Variants in HMCN1 observed in about 807,000 individuals in gnomAD.
HMCN1 encodes hemicentin-1.
In HMCN1, 321 loss-of-function variants were observed where a neutral mutation model predicts 625.9. That is an observed-to-expected ratio of 0.51 (90% confidence interval 0.47 to 0.56). The LOEUF (loss-of-function observed/expected upper bound fraction) is 0.56. Ranked by LOEUF, HMCN1 falls within the 20% of genes least tolerant of loss-of-function variation. The probability of loss-of-function intolerance (pLI) is 0.00; values close to 1 mark genes in which losing one functional copy is unlikely to be tolerated. For synonymous variants in HMCN1, 2,425 were observed against 2,417.6 expected, an observed-to-expected ratio of 1.00 and a Z score of -0.09; for missense variants, 6,588 against 6,887.3, an observed-to-expected ratio of 0.96 and a Z score of 1.54.
intron 13 of HMCN1, among the ~76,000 whole-genome samples, chr1:185,965,174 C>G (rs568230253): frequency 6.6e-6 from 1 of 151,942 alleles, no homozygotes; most frequent in African/African-American, 2.4e-5. Context: ...GTGAAGCAAA[C>G]GGAGTGAAGA....
rs1335779647 is a variant in HMCN1 at position 185,994,849 on chromosome 1, C to T, written c.3540C>T (p.Leu1180=). 1 of 1,613,520 alleles carries T rather than the reference C, an allele frequency of 6.2e-7. No homozygotes were observed. Among genetic ancestry groups the T allele is most frequent in the African/African-American group, 1.3e-5 (1 of 74,900 alleles). Residue 1180 remains leucine, a synonymous_variant, in exon 24 of 107, where the codon CTC becomes CTT. Coordinates refer to ENST00000271588, the MANE Select transcript of HMCN1 (RefSeq NM_031935.3). ...AGATACAGCGTGGACCTAAACATCT[C>T]AAAGTCCAAGTTGGTCAAAGAGTGG... ...PPKIQRGPKH[L]KVQVGQRVDI...
chr1:186,035,641 C>T (rs906588326), intron 36 of HMCN1, among the ~76,000 whole-genome samples: 11 of 152,040 alleles, frequency 7.2e-5, no homozygotes, highest in East Asian at 5.8e-4. Flanking sequence ...TTTTTCTAAA[C>T]ATATTCTTAT....
intron 24 of HMCN1, among the ~76,000 whole-genome samples, chr1:185,996,208 GGCC>G (rs1652775469): frequency 6.6e-6 from 1 of 152,114 alleles, no homozygotes; most frequent in African/African-American, 2.4e-5. Flanking sequence ...AATCAAACAA[GGCC>G]TCCCTTGGGG....
chr1:185,827,755 A>C (rs368089159), intron 1 of HMCN1, among the ~76,000 whole-genome samples: 1 of 152,152 alleles, frequency 6.6e-6, no homozygotes, highest in East Asian at 1.9e-4. Context: ...TTGAATTTAC[A>C]TGTTGAAAGG....
intron 100 of HMCN1, among the ~76,000 whole-genome samples, chr1:186,170,118 A>ATACCATCT (rs1255892044): frequency 1.3e-5 from 2 of 152,252 alleles, no homozygotes; most frequent in African/African-American, 4.8e-5. Flanking sequence ...CCACAATGAG[A>ATACCATCT]TACCATCTTA....
Position 186,190,097 on chromosome 1 carries a change from ATT to A in HMCN1, c.*221_*222del, listed in dbSNP as rs1487148108. ...GTCTAGAAAAGTCCCTTATTATTTT[ATT>A]TATTACACTGGAGCAGTTACTTCCC... On this transcript the variant is annotated 3_prime_UTR_variant, in exon 107 of 107. Transcript: ENST00000271588. 3.4e-6 allele frequency: 2 copies of A among 587,330 alleles called. No homozygotes were observed. The highest frequency in any genetic ancestry group is 1.9e-5 in the African/African-American group (1 of 53,676). 36.4% of individuals were successfully genotyped at this position (587,330 alleles called of 1,614,324 possible). A position where few individuals can be genotyped will look rare whatever the true frequency, so the allele number is the denominator to read the frequency against.
rs1270441938 is a variant in HMCN1 at position 186,137,934 on chromosome 1, C to T, written c.13886C>T (p.Ala4629Val). ...QHGGRPCEGNAVEIIMCNIRP... is the reference protein window; with the variant it reads ...QHGGRPCEGNVVEIIMCNIRP... The stretch of plus-strand genomic sequence containing the variant: ...GGTGGGCGGCCATGTGAAGGGAATG[C>T]TGTGGAAATAATTATGTGCAACATT... Residue 4629 changes from alanine (A) to valine (V), a missense_variant, in exon 89 of 107, where the codon GCT (alanine) becomes GTT (valine). Coordinates refer to ENST00000271588, the MANE Select transcript of HMCN1 (RefSeq NM_031935.3). 2 of 1,613,976 alleles carry T rather than the reference C, an allele frequency of 1.2e-6. No individual in the cohort carries two copies. The highest frequency in any genetic ancestry group is 1.7e-6 in the Non-Finnish European group (2 of 1,179,932).
rs1650826766 is a variant in HMCN1, at chr1:185,971,469, C to G, written c.2371+976C>G. Among the ~76,000 whole-genome samples, 3 of 152,116 alleles carry G rather than the reference C, an allele frequency of 2.0e-5. 1 individual carries two copies. In the South Asian group the frequency reaches 6.2e-4, roughly 31 times the overall value. Reference sequence around the variant, plus strand: ...TCAGTTTGTATGAAATAGAACCTGGCATTTAATTTTTAAGATAATTTAATA... The same window carrying G: ...TCAGTTTGTATGAAATAGAACCTGGGATTTAATTTTTAAGATAATTTAATA... On this transcript the variant is annotated intron_variant, in intron 15 of 106. Coordinates refer to ENST00000271588, the MANE Select transcript of HMCN1 (RefSeq NM_031935.3).
Position 186,095,395 on chromosome 1 carries a change from A to G in HMCN1, c.10447A>G (p.Thr3483Ala), listed in dbSNP as rs1257616416. 3 of 1,613,728 alleles carry G rather than the reference A, an allele frequency of 1.9e-6. No homozygotes were observed. The highest frequency in any genetic ancestry group is 1.7e-5 in the Admixed American group (1 of 59,886). Residue 3483 changes from threonine to alanine, a missense_variant, in exon 68 of 107, where the codon ACA becomes GCA. Transcript: ENST00000271588. Reference sequence around the variant, plus strand: ...GCCTCTGGGGCTTGATGCCCATCTGACAGTCAGCACCCATGGAATGGTCCT... The same window carrying G: ...GCCTCTGGGGCTTGATGCCCATCTGGCAGTCAGCACCCATGGAATGGTCCT... ...GQPLGLDAHL[T>A]VSTHGMVLQL... is the part of the protein sequence containing the mutation.
At chr1:185,902,957 CAT>C (rs1003738296) in intron 4 of HMCN1, among the ~76,000 whole-genome samples, 2 of 150,250 alleles carry the variant, frequency 1.3e-5, no homozygotes, top group African/African-American at 2.4e-5. Context: ...AAAAAAAAAA[CAT>C]GTGAAACAAG....
chr1:186,071,091 A>G (rs2102344451), intron 52 of HMCN1, among the ~76,000 whole-genome samples: 1 of 152,284 alleles, frequency 6.6e-6, no homozygotes, highest in East Asian at 1.9e-4. Flanking sequence ...AGTTAGGGAA[A>G]CAGTTCTTTT....
At chr1:185,908,993 C>T (rs1666258403) in intron 4 of HMCN1, among the ~76,000 whole-genome samples, 1 of 151,804 alleles carries the variant, frequency 6.6e-6, no homozygotes. Flanking sequence ...CACATGTTAG[C>T]ACTATTATGT....
At chr1:186,136,583 C>T in intron 86 of HMCN1, 85 bp from the exon 87 acceptor site, 1 of 1,277,998 alleles carries the variant, frequency 7.8e-7, no homozygotes, top group Non-Finnish European at 1.1e-6. Context: ...TCACTTTTTT[C>T]AAAATAATGT....
intron 97 of HMCN1, 61 bp downstream of exon 97, chr1:186,154,048 T>A: frequency 7.3e-7 from 1 of 1,366,578 alleles, no homozygotes; most frequent in Non-Finnish European, 1.0e-6. Flanking sequence ...TTAAAAAAAT[T>A]CAAAATAAGG....
At chr1:186,157,868 CT>C (rs1651136537) in intron 97 of HMCN1, among the ~76,000 whole-genome samples, 1 of 152,066 alleles carries the variant, frequency 6.6e-6, no homozygotes, top group African/African-American at 2.4e-5. Context: ...GGTTCCAAGT[CT>C]TTGCTATTGT....
At position 185,798,132 on chromosome 1, in the gene HMCN1, G is replaced by C. The variant is rs944605918; in HGVS notation, c.269-47894G>C. Reference sequence around the variant, plus strand: ...GTTTCTTTAGCATTTACTCGTCTGGGAAAGACTTTACTTCTCCTTCATTTG... The same window carrying C: ...GTTTCTTTAGCATTTACTCGTCTGGCAAAGACTTTACTTCTCCTTCATTTG... On this transcript the variant is annotated intron_variant, in intron 1 of 106. Coordinates refer to ENST00000271588, the MANE Select transcript of HMCN1 (RefSeq NM_031935.3). Among the ~76,000 whole-genome samples, 3 of 152,044 alleles carry C rather than the reference G, an allele frequency of 2.0e-5. No individual in the cohort carries two copies. In the South Asian group the frequency reaches 6.2e-4, roughly 32 times the overall value.
intron 1 of HMCN1, among the ~76,000 whole-genome samples, chr1:185,788,671 C>T (rs1183664095): frequency 6.6e-6 from 1 of 152,186 alleles, no homozygotes; most frequent in Non-Finnish European, 1.5e-5. Context: ...GAAACATTTC[C>T]TGAGCTCGCT....
Position 186,119,798 on chromosome 1 carries a change from C to A in HMCN1, c.12010C>A (p.Pro4004Thr). 6.2e-7 allele frequency: 1 copy of A among 1,614,038 alleles called. No homozygotes were observed. Among genetic ancestry groups the A allele is most frequent in the East Asian group, 2.2e-5 (1 of 44,882 alleles). The change falls in exon 79 of 107, where the codon CCT (proline) becomes ACT (threonine). Residue 4004 changes from proline to threonine, a missense_variant. Around this residue, in one of 3 missense-constraint regions of HMCN1, gnomAD observed 4,628 missense variants for 4,853.1 expected, o/e 0.95. Coordinates refer to ENST00000271588, the MANE Select transcript of HMCN1 (RefSeq NM_031935.3). Reference protein sequence around the residue: ...PSELHVILNNPILLPCEATGT... With the variant: ...PSELHVILNNTILLPCEATGT... Reference sequence around the variant, plus strand: ...TGAACTACACGTCATTCTGAACAATCCTATTTTATTACCATGTGAAGCAAC... The same window carrying A: ...TGAACTACACGTCATTCTGAACAATACTATTTTATTACCATGTGAAGCAAC...
In HMCN1 at chr1:186,172,016, G is replaced by A; in HGVS notation, c.15699G>A (p.Glu5233=). 1 of 1,613,440 alleles carries A rather than the reference G, an allele frequency of 6.2e-7. No homozygotes were observed. Among genetic ancestry groups the A allele is most frequent in the South Asian group, 1.1e-5 (1 of 91,072 alleles). ...LKGRKCMDVN[E]CRQNVCRPDQ... is the part of the protein sequence containing the mutation. ...TGTTCTTTTATCAAGATGTGAACGA[G>A]TGTAGACAAAATGTATGCAGACCAG... The change falls in exon 102 of 107, where the codon GAG becomes GAA. Residue 5233 remains glutamate (E), a synonymous_variant. Transcript: ENST00000271588.
Sources: gnomAD v4.1 joint callset for allele counts (sites outside exome capture counted in the v4.1 genomes callset) on GRCh38, gnomAD v4.1.1 for gene constraint, gnomAD v4.1.1 regional missense constraint, MANE v1.5 for transcripts, NCBI Gene and HGNC (gene_info 2026-07-23, HGNC 2026-07-21) for gene names.